GRIP1: variants seen among roughly 807,000 people sequenced by gnomAD.
GRIP1 encodes glutamate receptor interacting protein 1, also known as glutamate receptor-interacting protein 1.
GRIP1 carries 45 observed loss-of-function variants against 129.9 expected under a neutral mutation model. The observed-to-expected ratio is 0.35, with a 90% CI of 0.27 to 0.44. The LOEUF (loss-of-function observed/expected upper bound fraction) is 0.44. Ranked by LOEUF, GRIP1 falls within the 20% of genes least tolerant of loss-of-function variation. The probability of loss-of-function intolerance (pLI) is 1.00; values close to 1 mark genes in which losing one functional copy is unlikely to be tolerated. For missense variants in GRIP1, 1,196 were observed against 1,396.8 expected (o/e 0.86, Z 2.29); for synonymous variants, 530 against 520.8 (o/e 1.02, Z -0.24).
chr12:66,480,671 G>C (rs1310234851), intron 7 of GRIP1, among the ~76,000 whole-genome samples: 1 of 152,092 alleles, frequency 6.6e-6, no homozygotes, highest in Non-Finnish European at 1.5e-5. Flanking sequence ...ATACTACAAG[G>C]CTACAGTAAC....
intron 4 of GRIP1, among the ~76,000 whole-genome samples, chr12:66,538,218 TA>T (rs368661628): frequency 6.9e-6 from 1 of 144,502 alleles, no homozygotes; most frequent in African/African-American, 2.6e-5. Flanking sequence ...TTTTTTTTTT[TA>T]AACAGGGTTT....
chr12:66,944,195 C>A (rs1260043544), intron 1 of GRIP1, among the ~76,000 whole-genome samples: 1 of 152,054 alleles, frequency 6.6e-6, no homozygotes, highest in Non-Finnish European at 1.5e-5. Context: ...TCTCATTTAC[C>A]CTTCAGGCTT....
intron 1 of GRIP1, among the ~76,000 whole-genome samples, chr12:66,740,869 G>C (rs1273094625): frequency 6.6e-6 from 1 of 152,026 alleles, no homozygotes; most frequent in Non-Finnish European, 1.5e-5. Context: ...GCCAACCAAA[G>C]TCCTCTTTCT....
At chr12:66,483,960 C>T (rs1201556687) in intron 7 of GRIP1, among the ~76,000 whole-genome samples, 2 of 151,272 alleles carry the variant, frequency 1.3e-5, no homozygotes, top group African/African-American at 4.8e-5. Flanking sequence ...CCCGGGTTCA[C>T]GCCATTCTCC....
intron 1 of GRIP1, among the ~76,000 whole-genome samples, chr12:66,888,472 G>A (rs1198358328): frequency 2.6e-5 from 4 of 152,156 alleles, no homozygotes; most frequent in Non-Finnish European, 4.4e-5. Flanking sequence ...CAATTCTTGT[G>A]CCTCAGGCTC....
intron 7 of GRIP1, among the ~76,000 whole-genome samples, chr12:66,509,891 T>C (rs2138863987): frequency 6.6e-6 from 1 of 152,116 alleles, no homozygotes; most frequent in South Asian, 2.1e-4. Context: ...CAAACCATGA[T>C]GGCACAAGTT....
intron 1 of GRIP1, among the ~76,000 whole-genome samples, chr12:66,746,346 T>C (rs1262895897): frequency 1.3e-5 from 2 of 152,204 alleles, no homozygotes; most frequent in East Asian, 1.9e-4. Flanking sequence ...TGAAAATGTG[T>C]TCACAGCCCA....
intron 1 of GRIP1, among the ~76,000 whole-genome samples, chr12:66,609,227 G>C (rs570665997): frequency 6.6e-6 from 1 of 152,016 alleles, no homozygotes; most frequent in South Asian, 2.1e-4. Context: ...TTTTCCCAAT[G>C]TCGCCACACT....
intron 1 of GRIP1, among the ~76,000 whole-genome samples, chr12:66,896,560 T>A (rs1162340211): frequency 2.6e-5 from 4 of 151,504 alleles, no homozygotes; most frequent in Admixed American, 2.0e-4. Flanking sequence ...GTTTTGTGAA[T>A]CCAGTCAAGA....
At chr12:66,973,042 G>A (rs1409817562) in intron 1 of GRIP1, among the ~76,000 whole-genome samples, 1 of 152,114 alleles carries the variant, frequency 6.6e-6, no homozygotes. Flanking sequence ...GCAGACCTTA[G>A]GAACCCTAGT....
At chr12:66,850,302 G>A (rs982690743) in intron 1 of GRIP1, among the ~76,000 whole-genome samples, 16 of 152,098 alleles carry the variant, frequency 1.1e-4, no homozygotes, top group African/African-American at 3.9e-4. Flanking sequence ...TTTATACAGT[G>A]CTTCTTATGA....
chr12:66,601,589 AAC>A (rs1050087020), intron 1 of GRIP1, among the ~76,000 whole-genome samples: 1 of 152,210 alleles, frequency 6.6e-6, no homozygotes, highest in Non-Finnish European at 1.5e-5. Flanking sequence ...TCCTATGCTA[AAC>A]AATTCCTAGC....
chr12:66,621,382 T>C (rs1016419515), intron 1 of GRIP1, among the ~76,000 whole-genome samples: 1 of 152,180 alleles, frequency 6.6e-6, no homozygotes, highest in Admixed American at 6.5e-5. Flanking sequence ...TATCTGGCCT[T>C]TTCACTTAGC....
intron 1 of GRIP1, among the ~76,000 whole-genome samples, chr12:67,060,798 T>C (rs1184962725): frequency 6.0e-5 from 8 of 134,164 alleles, no homozygotes; most frequent in African/African-American, 2.3e-4. Flanking sequence ...CACTCCAGCC[T>C]GGGCAACAAG....
chr12:66,647,432 T>G (rs567496568), intron 1 of GRIP1: 7 of 152,322 alleles, frequency 4.6e-5, no homozygotes, highest in African/African-American at 1.4e-4. Context: ...TTTCCTCTAA[T>G]ATACACAGAA....
chr12:66,826,593 C>T (rs1160523823), intron 1 of GRIP1, among the ~76,000 whole-genome samples: 3 of 151,986 alleles, frequency 2.0e-5, no homozygotes, highest in Non-Finnish European at 4.4e-5. Flanking sequence ...TCTATTTCTA[C>T]TTCAAGTGCT....
chr12:66,647,679 C>T (rs1351021548), intron 1 of GRIP1, among the ~76,000 whole-genome samples: 2 of 152,044 alleles, frequency 1.3e-5, no homozygotes, highest in Non-Finnish European at 2.9e-5. Context: ...CAAACAAATC[C>T]AACATCACAT....
intron 19 of GRIP1, among the ~76,000 whole-genome samples, 174 bp from the exon 20 acceptor site, chr12:66,379,610 C>T (rs1290043606): frequency 6.6e-6 from 1 of 152,182 alleles, no homozygotes; most frequent in African/African-American, 2.4e-5. Context: ...TCATTTTGAG[C>T]CATCTTTCTT....
intron 1 of GRIP1, among the ~76,000 whole-genome samples, chr12:66,948,114 G>T (rs1172585279): frequency 6.6e-6 from 1 of 152,186 alleles, no homozygotes; most frequent in African/African-American, 2.4e-5. Context: ...CGGATGATGT[G>T]TTTATTCCCA....
Sources: gnomAD v4.1 joint callset for allele counts (sites outside exome capture counted in the v4.1 genomes callset) on GRCh38, gnomAD v4.1.1 for gene constraint, MANE v1.5 for transcripts, NCBI Gene and HGNC (gene_info 2026-07-23, HGNC 2026-07-21) for gene names.